ATP6V0D2: variants seen among roughly 807,000 people sequenced by gnomAD.
ATP6V0D2 encodes the protein ATPase H+ transporting V0 subunit d2.
A neutral mutation model predicts 40.0 loss-of-function variants in ATP6V0D2; 40 were observed. That is an observed-to-expected ratio of 1.00 (90% CI 0.78 to 1.30). The LOEUF (loss-of-function observed/expected upper bound fraction) is 1.30, where lower values mean the gene tolerates loss of function less well. Among genes scored for constraint, ATP6V0D2 ranks in the 50% most tolerant of loss-of-function variants. The pLI, the probability that ATP6V0D2 is intolerant of heterozygous loss-of-function variation, is 0.00. For missense variants in ATP6V0D2, 470 were observed against 423.1 expected (o/e 1.11, Z -0.97); for synonymous variants, 179 against 156.3 (o/e 1.15, Z -1.08).
Position 86,143,702 on chromosome 8 carries a change from C to T in ATP6V0D2, c.639+748C>T, listed in dbSNP as rs548646245. Among the ~76,000 whole-genome samples, 7 of 152,276 alleles carry T rather than the reference C, an allele frequency of 4.6e-5. No individual in the cohort carries two copies. The South Asian group carries it at 1.0e-3, about 23-fold the overall frequency. On this transcript the variant is annotated intron_variant, in intron 5 of 7. Coordinates refer to ENST00000285393, the MANE Select transcript of ATP6V0D2 (RefSeq NM_152565.1). ...TTTATGACCTGTATCTTGTGCTAAC[C>T]TCCTATCTCATCCTGTGACTTAGAA...
At chr8:86,124,733 G>A (rs28415682) in intron 2 of ATP6V0D2, among the ~76,000 whole-genome samples, 94,789 of 151,940 alleles carry the variant, frequency 0.62, 30,429 homozygotes, top group Non-Finnish European at 0.71. Context: ...TGTGAGGCCC[G>A]GTGCAAAATA....
chr8:86,152,283 A>G (rs918854653), intron 7 of ATP6V0D2, among the ~76,000 whole-genome samples: 5 of 152,278 alleles, frequency 3.3e-5, no homozygotes, highest in Non-Finnish European at 7.3e-5. Context: ...ATAGTATTCC[A>G]TGGTATATAT....
chr8:86,121,784 A>G (rs977752111), intron 2 of ATP6V0D2, among the ~76,000 whole-genome samples: 4 of 152,210 alleles, frequency 2.6e-5, no homozygotes, highest in African/African-American at 7.2e-5. Context: ...AATTCCATCA[A>G]ATGAAGTAAC....
chr8:86,113,449 T>G (rs757820670), intron 1 of ATP6V0D2, among the ~76,000 whole-genome samples: 122 of 152,322 alleles, frequency 8.0e-4, no homozygotes, highest in Middle Eastern at 3.4e-3. Flanking sequence ...ACCACGGCAC[T>G]CCTGCCTGGG....
intron 2 of ATP6V0D2, among the ~76,000 whole-genome samples, chr8:86,128,645 G>T (rs148184997): frequency 6.6e-6 from 1 of 152,086 alleles, no homozygotes; most frequent in African/African-American, 2.4e-5. Flanking sequence ...TTTGAAGTTC[G>T]GATAACTTAA....
At chr8:86,104,395 A>C (rs922124995) in intron 1 of ATP6V0D2, among the ~76,000 whole-genome samples, 1 of 152,150 alleles carries the variant, frequency 6.6e-6, no homozygotes, top group South Asian at 2.1e-4. Flanking sequence ...TCTGCATTTA[A>C]AAGGAAAAAC....
intron 1 of ATP6V0D2, among the ~76,000 whole-genome samples, chr8:86,104,934 C>T: frequency 6.6e-6 from 1 of 151,424 alleles, no homozygotes; most frequent in East Asian, 2.0e-4. Context: ...AAAGGCTGAT[C>T]CACCTTGTAA....
At chr8:86,141,660 CT>C in intron 4 of ATP6V0D2, 131 bp downstream of exon 4, 1 of 622,246 alleles carries the variant, frequency 1.6e-6, no homozygotes, top group Non-Finnish European at 2.6e-6. Context: ...TGGAATATAG[CT>C]TTTATAGTTC....
chr8:86,143,131 ACT>A (rs1204007889), intron 5 of ATP6V0D2, among the ~76,000 whole-genome samples, 177 bp downstream of exon 5: 1 of 152,078 alleles, frequency 6.6e-6, no homozygotes, highest in Non-Finnish European at 1.5e-5. Context: ...GTATTTTCCA[ACT>A]CTTAAGTTGG....
At chr8:86,107,465 T>C (rs1818482904) in intron 1 of ATP6V0D2, among the ~76,000 whole-genome samples, 1 of 152,204 alleles carries the variant, frequency 6.6e-6, no homozygotes, top group Non-Finnish European at 1.5e-5. Flanking sequence ...CTCAGTTAAC[T>C]ACTTGCCAGC....
intron 2 of ATP6V0D2, among the ~76,000 whole-genome samples, chr8:86,127,767 A>G (rs1190118484): frequency 6.6e-6 from 1 of 152,208 alleles, no homozygotes; most frequent in Non-Finnish European, 1.5e-5. Flanking sequence ...TTCTGTATGT[A>G]TAATTGTTAC....
At chr8:86,104,844 A>AACAC (rs1376640050) in intron 1 of ATP6V0D2, among the ~76,000 whole-genome samples, 1 of 60,986 alleles carries the variant, frequency 1.6e-5, no homozygotes, top group Admixed American at 1.4e-4. Flanking sequence ...TCCTGTTTAA[A>AACAC]ACACATACAC....
In ATP6V0D2 at chr8:86,132,949, G is replaced by A. The variant is rs983698278; in HGVS notation, c.303-6508G>A. Among the ~76,000 whole-genome samples, 19 of 152,246 alleles carry A rather than the reference G, an allele frequency of 1.2e-4. No homozygotes were observed. In the East Asian group the frequency reaches 3.7e-3, roughly 29 times the overall value. On this transcript the variant is annotated intron_variant, in intron 2 of 7. Coordinates refer to ENST00000285393, the MANE Select transcript of ATP6V0D2 (RefSeq NM_152565.1). The stretch of plus-strand genomic sequence containing the variant: ...ACCAATTGAAATTTCTACCAATGGT[G>A]TATAAGAATCTCCTTTTTTCCACAT...
intron 2 of ATP6V0D2, among the ~76,000 whole-genome samples, chr8:86,131,223 C>T (rs1250277552): frequency 2.6e-5 from 4 of 151,896 alleles, no homozygotes; most frequent in African/African-American, 9.7e-5. Context: ...GTGGGGGGAA[C>T]GAAGTCTCAC....
rs138575011 is a variant in ATP6V0D2 at position 86,150,225 on chromosome 8, G to A, written c.753G>A (p.Gly251=). The A allele has an allele frequency of 1.0e-4, 166 of 1,613,184 alleles. 6 individuals carry two copies. The Middle Eastern group carries it at 1.8e-3, about 18-fold the overall frequency. The part of the protein sequence containing the change: ...YPTFGKLYPE[G]LRLLAQAEDF... ...CCTTCGGCAAACTCTATCCTGAGGGGTTGCGGCTGTTGGCTCAAGCAGAAG... is the reference window on the plus strand; with the variant it reads ...CCTTCGGCAAACTCTATCCTGAGGGATTGCGGCTGTTGGCTCAAGCAGAAG... Residue 251 remains glycine, a synonymous_variant, in exon 6 of 8, where the codon GGG becomes GGA. Coordinates refer to ENST00000285393, the MANE Select transcript of ATP6V0D2 (RefSeq NM_152565.1).
At chr8:86,139,279 C>T (rs1818941040) in intron 2 of ATP6V0D2, among the ~76,000 whole-genome samples, 178 bp from the exon 3 acceptor site, 1 of 151,518 alleles carries the variant, frequency 6.6e-6, no homozygotes, top group South Asian at 2.1e-4. Flanking sequence ...TTATGACAGT[C>T]TCAGAGGTCA....
chr8:86,145,910 G>T (rs1436237334), intron 5 of ATP6V0D2, among the ~76,000 whole-genome samples: 1 of 152,168 alleles, frequency 6.6e-6, no homozygotes, highest in Non-Finnish European at 1.5e-5. Flanking sequence ...TTACATACAT[G>T]AATTCACTTA....
At chr8:86,129,758 G>A (rs1420876455) in intron 2 of ATP6V0D2, among the ~76,000 whole-genome samples, 14 of 151,392 alleles carry the variant, frequency 9.2e-5, no homozygotes, top group Admixed American at 3.9e-4. Flanking sequence ...AGCCGAGATC[G>A]TGCCACTGCA....
At chr8:86,129,877 T>C (rs1437458344) in intron 2 of ATP6V0D2, among the ~76,000 whole-genome samples, 1 of 148,312 alleles carries the variant, frequency 6.7e-6, no homozygotes, top group Non-Finnish European at 1.5e-5. Flanking sequence ...CTCTGGAGGC[T>C]GAGGTGGGAG....
Sources: allele counts gnomAD v4.1 joint callset (sites outside exome capture counted in the v4.1 genomes callset), GRCh38; gene constraint gnomAD v4.1.1; transcripts MANE v1.5; gene names NCBI Gene and HGNC (gene_info 2026-07-23, HGNC 2026-07-21).